PLCXD2: variants seen among roughly 807,000 people sequenced by gnomAD.
PLCXD2 encodes the protein PI-PLC X domain-containing protein 2.
Under a neutral mutation model 28.6 loss-of-function variants are expected in PLCXD2, and 21 were observed. The ratio of observed to expected loss-of-function variants is 0.73; its 90% CI spans 0.52 to 1.06. The LOEUF (loss-of-function observed/expected upper bound fraction) is 1.06, where lower values mean the gene tolerates loss of function less well. PLCXD2 is among the 50% of genes least tolerant of loss of function. PLCXD2 has a pLI of 0.00. For synonymous variants in PLCXD2, 140 were observed against 150.1 expected (o/e 0.93, Z 0.49); for missense variants, 369 against 376.7 (o/e 0.98, Z 0.17).
chr3:111,689,755 T>C (rs533136929), intron 1 of PLCXD2, among the ~76,000 whole-genome samples: 46 of 152,258 alleles, frequency 3.0e-4, no homozygotes, highest in Middle Eastern at 3.4e-3. Context: ...AATTTAAGCA[T>C]AAAAAACAGA....
At chr3:111,720,887 A>G in intron 3 of PLCXD2, 1 of 416,764 alleles carries the variant, frequency 2.4e-6, no homozygotes. Flanking sequence ...TGCTGATTTA[A>G]TTTTTAATTT....
chr3:111,726,558 GATAATA>G (rs897293410), intron 3 of PLCXD2: 4 of 152,072 alleles, frequency 2.6e-5, no homozygotes, highest in African/African-American at 7.2e-5. Context: ...TAAGTAAAAT[GATAATA>G]ATAATAAAGT....
At chr3:111,700,342 G>T (rs914581930) in intron 1 of PLCXD2, among the ~76,000 whole-genome samples, 3 of 152,186 alleles carry the variant, frequency 2.0e-5, no homozygotes, top group Non-Finnish European at 2.9e-5. Context: ...TAGTAATTGT[G>T]AAAATGAAAG....
At chr3:111,726,497 T>G (rs1044053594) in intron 3 of PLCXD2, 2 of 152,216 alleles carry the variant, frequency 1.3e-5, no homozygotes, top group African/African-American at 2.4e-5. Flanking sequence ...CTAATAGATA[T>G]GCTATTTTGT....
intron 3 of PLCXD2, among the ~76,000 whole-genome samples, chr3:111,717,711 A>G (rs1256619641): frequency 6.6e-6 from 1 of 152,160 alleles, no homozygotes; most frequent in Non-Finnish European, 1.5e-5. Flanking sequence ...ATTTCCCTGT[A>G]ATGACCAGCA....
chr3:111,725,952 G>A (rs1398755), intron 3 of PLCXD2: 388,847 of 398,278 alleles, frequency 0.98, 189,870 homozygotes, highest in East Asian at 1. Flanking sequence ...TGATAGGCAC[G>A]TGTGTTCAGT....
At chr3:111,722,006 A>G (rs929534890) in intron 3 of PLCXD2, 1 of 152,202 alleles carries the variant, frequency 6.6e-6, no homozygotes, top group Non-Finnish European at 1.5e-5. Flanking sequence ...CTCGTGTGTC[A>G]CCAAGTGAGA....
intron 3 of PLCXD2, among the ~76,000 whole-genome samples, chr3:111,716,429 C>T (rs1210744830): frequency 6.6e-6 from 1 of 152,146 alleles, no homozygotes; most frequent in Non-Finnish European, 1.5e-5. Flanking sequence ...CCTAACTCTT[C>T]GATAAACTTT....
At chr3:111,676,006 CTGTA>C (rs1301649883) in intron 1 of PLCXD2, among the ~76,000 whole-genome samples, 1 of 152,138 alleles carries the variant, frequency 6.6e-6, no homozygotes, top group African/African-American at 2.4e-5. Context: ...AGCTTTGTCT[CTGTA>C]TGTATGTATG....
At chr3:111,715,101 G>T (rs887725037) in intron 3 of PLCXD2, among the ~76,000 whole-genome samples, 1 of 152,162 alleles carries the variant, frequency 6.6e-6, no homozygotes, top group Non-Finnish European at 1.5e-5. Flanking sequence ...AGCAGGACTA[G>T]ATTTTTCTTT....
intron 1 of PLCXD2, among the ~76,000 whole-genome samples, chr3:111,679,375 G>T (rs145279268): frequency 1.3e-5 from 2 of 152,304 alleles, no homozygotes; most frequent in East Asian, 3.9e-4. Flanking sequence ...CCCTGTTATA[G>T]TTTCTTTGTC....
rs138283568 is a variant in PLCXD2, at chr3:111,697,424, A to G, written c.164-10502A>G. ...AAAGCATATTGAGAGAGATGAACTA[A>G]CATAAACTTGGCCATACTTACATCT... On this transcript the variant is annotated intron_variant, in intron 1 of 4. Coordinates refer to ENST00000477665, the MANE Select transcript of PLCXD2 (RefSeq NM_001185106.1). 1.2e-3 allele frequency among the ~76,000 whole-genome samples: 182 copies of G among 152,366 alleles called. 1 individual carries two copies. Among genetic ancestry groups the G allele is most frequent in the African/African-American group, 4.3e-3 (177 of 41,580 alleles).
chr3:111,698,921 A>C lies in PLCXD2; in HGVS notation c.164-9005A>C, dbSNP rs557488359. Among the ~76,000 whole-genome samples, 461 of 152,336 alleles carry C rather than the reference A, an allele frequency of 3.0e-3. 2 individuals are homozygous for C. The highest frequency in any genetic ancestry group is 6.2e-3 in the South Asian group (30 of 4,828). On this transcript the variant is annotated intron_variant, in intron 1 of 4. Transcript: ENST00000477665. ...GATGTATCTGTACTTTGTACATAGAAGAATAAGATTTTTCACTCCCTAAGA... is the reference window on the plus strand; with the variant it reads ...GATGTATCTGTACTTTGTACATAGACGAATAAGATTTTTCACTCCCTAAGA...
intron 1 of PLCXD2, among the ~76,000 whole-genome samples, chr3:111,688,737 T>A (rs1028190691): frequency 2.0e-5 from 3 of 152,134 alleles, no homozygotes; most frequent in Non-Finnish European, 2.9e-5. Context: ...ATACCTCCTT[T>A]TGGGTAAGGT....
chr3:111,706,411 T>C (rs770908865), intron 1 of PLCXD2, among the ~76,000 whole-genome samples: 6 of 152,218 alleles, frequency 3.9e-5, no homozygotes, highest in Admixed American at 2.6e-4. Context: ...TTGTTGCCTA[T>C]GTGTTTGAAG....
rs372466061 is a variant in PLCXD2, at chr3:111,709,091, G to GAA, written c.624+705_624+706insAA. Among the ~76,000 whole-genome samples, 227 of 53,590 alleles carry GAA rather than the reference G, an allele frequency of 4.2e-3. 2 individuals carry two copies. Among genetic ancestry groups the GAA allele is most frequent in the Non-Finnish European group, 7.2e-3 (163 of 22,648 alleles). 35.2% of individuals were successfully genotyped at this position (53,590 alleles called of 152,430 possible). ...GGAAAGTGTTTAATTTACACTCTCT[G>GAA]GAAAAAAAAAAAAAAAAGACATACC... On this transcript the variant is annotated intron_variant, in intron 2 of 4. Coordinates refer to ENST00000477665, the MANE Select transcript of PLCXD2 (RefSeq NM_001185106.1).
chr3:111,699,187 CTCTA>C (rs1399048908), intron 1 of PLCXD2, among the ~76,000 whole-genome samples: 3 of 152,288 alleles, frequency 2.0e-5, no homozygotes, highest in African/African-American at 7.2e-5. Flanking sequence ...GGGAGTTTCT[CTCTA>C]TCTTCTTATA....
At chr3:111,702,358 G>C (rs1272976793) in intron 1 of PLCXD2, among the ~76,000 whole-genome samples, 1 of 152,154 alleles carries the variant, frequency 6.6e-6, no homozygotes, top group Non-Finnish European at 1.5e-5. Context: ...AGTGGACTCA[G>C]ATGGAAAGAA....
intron 1 of PLCXD2, among the ~76,000 whole-genome samples, chr3:111,681,010 C>CA (rs553350238): frequency 2.5e-3 from 387 of 152,048 alleles, no homozygotes; most frequent in African/African-American, 9.1e-3. Context: ...GAATGGACAA[C>CA]AAAAAAGAGG....
Sources: allele counts gnomAD v4.1 joint callset (sites outside exome capture counted in the v4.1 genomes callset), GRCh38; gene constraint gnomAD v4.1.1; transcripts MANE v1.5; gene names NCBI Gene and HGNC (gene_info 2026-07-23, HGNC 2026-07-21).